The following EPHB1 variants were observed in gnomAD, a reference collection of about 807,000 sequenced individuals.
EPHB1 encodes the protein EPH receptor B1.
A neutral mutation model predicts 94.4 loss-of-function variants in EPHB1; 30 were observed. The ratio of observed to expected loss-of-function variants is 0.32; its 90% CI spans 0.24 to 0.43. EPHB1 has a LOEUF of 0.43. Ranked by LOEUF, EPHB1 falls within the 20% of genes least tolerant of loss-of-function variation. The probability of loss-of-function intolerance (pLI) is 1.00; values close to 1 mark genes in which losing one functional copy is unlikely to be tolerated. For missense variants in EPHB1, 1,055 were observed against 1,308.3 expected (o/e 0.81, Z 2.99); for synonymous variants, 522 against 489.1 (o/e 1.07, Z -0.89).
chr3:134,925,707 A>T, intron 1 of EPHB1, 109 bp from the exon 2 acceptor site: 1 of 861,026 alleles, frequency 1.2e-6, no homozygotes, highest in Non-Finnish European at 1.7e-6. Flanking sequence ...ACCTCCTTGT[A>T]GTACTGTCAT....
intron 5 of EPHB1, among the ~76,000 whole-genome samples, chr3:135,133,565 G>A (rs1341610049): frequency 6.6e-6 from 1 of 152,208 alleles, no homozygotes; most frequent in African/African-American, 2.4e-5. Context: ...GAGATCATAT[G>A]ATAAAATCAA....
intron 15 of EPHB1, among the ~76,000 whole-genome samples, chr3:135,249,783 T>C (rs986654419): frequency 1.3e-5 from 2 of 152,146 alleles, no homozygotes; most frequent in Non-Finnish European, 2.9e-5. Flanking sequence ...ACTCAACTCA[T>C]CAAAGAGAGC....
intron 3 of EPHB1, among the ~76,000 whole-genome samples, chr3:135,049,604 G>T (rs972329893): frequency 6.6e-6 from 1 of 152,222 alleles, no homozygotes; most frequent in Non-Finnish European, 1.5e-5. Context: ...CTAGAAACTG[G>T]CATACCATAG....
chr3:134,892,356 G>A (rs1515364), intron 1 of EPHB1, among the ~76,000 whole-genome samples: 77,560 of 152,080 alleles, frequency 0.51, 20,097 homozygotes, highest in South Asian at 0.57. Context: ...ACTTTGGCCC[G>A]GCAAAAGGGC....
At chr3:134,946,998 C>T (rs1451793098) in intron 2 of EPHB1, among the ~76,000 whole-genome samples, 1 of 152,154 alleles carries the variant, frequency 6.6e-6, no homozygotes, top group African/African-American at 2.4e-5. Context: ...TCCGTTGCAC[C>T]CCCGTGCTTG....
chr3:134,810,643 A>T (rs7644854), intron 1 of EPHB1, among the ~76,000 whole-genome samples: 149,531 of 152,296 alleles, frequency 0.98, 73,418 homozygotes, highest in East Asian at 1. Flanking sequence ...GCTGAGCTTG[A>T]CAAAGCCGGG....
rs563695612 is a variant in EPHB1, at chr3:134,893,396, T to C, written c.59-32420T>C. Among the ~76,000 whole-genome samples the C allele has an allele frequency of 1.1e-4, 17 of 152,262 alleles. No homozygotes were observed. The South Asian group carries it at 3.5e-3, about 32-fold the overall frequency. ...GTGGAAAAAACAAGCAAACAAATCATAAATCCAAACAAAGAACAACCTTAA... is the reference window on the plus strand; with the variant it reads ...GTGGAAAAAACAAGCAAACAAATCACAAATCCAAACAAAGAACAACCTTAA... On this transcript the variant is annotated intron_variant, in intron 1 of 15. Coordinates refer to ENST00000398015, the MANE Select transcript of EPHB1 (RefSeq NM_004441.5).
intron 11 of EPHB1, among the ~76,000 whole-genome samples, chr3:135,197,764 A>G (rs1942661270): frequency 6.6e-6 from 1 of 152,102 alleles, no homozygotes; most frequent in Non-Finnish European, 1.5e-5. Flanking sequence ...TGTTTTTACT[A>G]TGTGCTCAGC....
chr3:135,108,926 G>T (rs190729912), intron 4 of EPHB1, among the ~76,000 whole-genome samples: 120 of 152,268 alleles, frequency 7.9e-4, no homozygotes, highest in South Asian at 4.4e-3. Context: ...AGGACAGTGG[G>T]AATCACCTTC....
chr3:134,927,219 C>G (rs2038812592), intron 2 of EPHB1, among the ~76,000 whole-genome samples: 1 of 152,204 alleles, frequency 6.6e-6, no homozygotes, highest in African/African-American at 2.4e-5. Context: ...AGGGGTGGTT[C>G]TAATCGGGAC....
At chr3:135,057,348 G>T (rs1375985101) in intron 3 of EPHB1, among the ~76,000 whole-genome samples, 5 of 152,136 alleles carry the variant, frequency 3.3e-5, no homozygotes, top group African/African-American at 1.2e-4. Context: ...CCACCACTGA[G>T]GCCAGCTGGC....
intron 4 of EPHB1, among the ~76,000 whole-genome samples, chr3:135,121,849 T>C (rs1322137799): frequency 1.3e-5 from 2 of 152,094 alleles, no homozygotes; most frequent in African/African-American, 4.8e-5. Context: ...GGTCCCTGTT[T>C]CCCTTCTAGA....
At chr3:135,034,324 G>C (rs937492401) in intron 3 of EPHB1, among the ~76,000 whole-genome samples, 2 of 152,112 alleles carry the variant, frequency 1.3e-5, no homozygotes, top group Non-Finnish European at 2.9e-5. Context: ...GTCCACTGGA[G>C]ATAAAATATG....
At chr3:135,118,555 A>G (rs1307276703) in intron 4 of EPHB1, among the ~76,000 whole-genome samples, 2 of 152,350 alleles carry the variant, frequency 1.3e-5, no homozygotes, top group East Asian at 3.9e-4. Context: ...GACAAGGTTC[A>G]GGTCTCCAGC....
Position 135,201,513 on chromosome 3 carries a change from A to C in EPHB1, c.2170A>C (p.Met724Leu). The C allele has an allele frequency of 6.2e-7, 1 of 1,614,010 alleles. No homozygotes were observed. The highest frequency in any genetic ancestry group is 8.5e-7 in the Non-Finnish European group (1 of 1,179,980). ...GTTCACCGTGATCCAGCTTGTGGGT[A>C]TGCTCAGGGGCATCGCTGCTGGCAT... ...GQFTVIQLVG[M>L]LRGIAAGMKY... is the part of the protein sequence containing the mutation. The change falls in exon 12 of 16, where the codon ATG (methionine) becomes CTG (leucine). Residue 724 changes from methionine to leucine, a missense_variant. Coordinates refer to ENST00000398015, the MANE Select transcript of EPHB1 (RefSeq NM_004441.5).
At chr3:135,180,471 C>G (rs1447227054) in intron 10 of EPHB1, among the ~76,000 whole-genome samples, 1 of 149,504 alleles carries the variant, frequency 6.7e-6, no homozygotes, top group Non-Finnish European at 1.5e-5. Context: ...GAAAGTCAAC[C>G]TATCACCTTC....
At chr3:134,897,469 G>C (rs529496219) in intron 1 of EPHB1, among the ~76,000 whole-genome samples, 1 of 152,140 alleles carries the variant, frequency 6.6e-6, no homozygotes, top group Non-Finnish European at 1.5e-5. Flanking sequence ...CTCTTAAGGC[G>C]CTCCTCACAT....
At chr3:135,121,262 C>G (rs997057230) in intron 4 of EPHB1, among the ~76,000 whole-genome samples, 3 of 152,230 alleles carry the variant, frequency 2.0e-5, no homozygotes, top group African/African-American at 7.2e-5. Flanking sequence ...CCAACCAGAT[C>G]TCCAGATGCA....
At chr3:135,120,756 G>A (rs1004428350) in intron 4 of EPHB1, among the ~76,000 whole-genome samples, 1 of 152,220 alleles carries the variant, frequency 6.6e-6, no homozygotes, top group African/African-American at 2.4e-5. Flanking sequence ...GTGCCTGGAA[G>A]TTATCCATGA....
Sources: allele counts gnomAD v4.1 joint callset (sites outside exome capture counted in the v4.1 genomes callset), GRCh38; gene constraint gnomAD v4.1.1; transcripts MANE v1.5; gene names NCBI Gene and HGNC (gene_info 2026-07-23, HGNC 2026-07-21).